Variants in EIF2AK4 observed in about 807,000 individuals in gnomAD.
EIF2AK4 encodes the protein eukaryotic translation initiation factor 2 alpha kinase 4.
EIF2AK4 carries 139 observed loss-of-function variants against 211.1 expected under a neutral mutation model. That is an observed-to-expected ratio of 0.66 (90% confidence interval 0.57 to 0.76). The LOEUF is 0.76. Among genes scored for constraint, EIF2AK4 ranks in the 30% least tolerant of loss-of-function variants. EIF2AK4 has a pLI of 0.00. For missense variants in EIF2AK4, 1,664 were observed against 2,043.8 expected (o/e 0.81, Z 3.58); for synonymous variants, 710 against 751.3 (o/e 0.94, Z 0.90).
chr15:39,945,303 T>C (rs1237679055), intron 3 of EIF2AK4, among the ~76,000 whole-genome samples: 1 of 152,066 alleles, frequency 6.6e-6, no homozygotes, highest in Admixed American at 6.5e-5. Context: ...TATTTTGAGA[T>C]AATTATATAT....
intron 23 of EIF2AK4, among the ~76,000 whole-genome samples, chr15:40,005,657 C>T (rs1238365785): frequency 5.3e-5 from 8 of 151,458 alleles, no homozygotes; most frequent in Admixed American, 4.6e-4. Flanking sequence ...CTGCAAGCTC[C>T]GCCTCCCGGG....
chr15:39,982,011 G>A (rs895641950), intron 13 of EIF2AK4, among the ~76,000 whole-genome samples: 7 of 145,194 alleles, frequency 4.8e-5, no homozygotes, highest in African/African-American at 1.5e-4. Flanking sequence ...TGCAAGCTCC[G>A]CCTCCTGGGT....
At chr15:39,955,144 CCTT>C (rs1421344075) in intron 5 of EIF2AK4, among the ~76,000 whole-genome samples, 1 of 152,172 alleles carries the variant, frequency 6.6e-6, no homozygotes, top group Non-Finnish European at 1.5e-5. Flanking sequence ...TTTGATTCTC[CCTT>C]CTTCTGTTCA....
intron 4 of EIF2AK4, 27 bp downstream of exon 4, chr15:39,949,295 T>C (rs2034272189): frequency 6.2e-7 from 1 of 1,610,812 alleles, no homozygotes; most frequent in Non-Finnish European, 8.5e-7. Flanking sequence ...GATGTCTGTG[T>C]GCATGGCCAG....
At chr15:39,975,401 A>G (rs1200702140) in intron 11 of EIF2AK4, 2 of 152,244 alleles carry the variant, frequency 1.3e-5, no homozygotes, top group Admixed American at 1.3e-4. Flanking sequence ...TTATTAGTTT[A>G]ATTGAAACTT....
rs2034147954 is a variant in EIF2AK4, at chr15:39,941,768, T to C, written c.258-1615T>C. 2.0e-5 allele frequency among the ~76,000 whole-genome samples: 3 copies of C among 152,242 alleles called. No individual in the cohort carries two copies. In the South Asian group the frequency reaches 6.2e-4, roughly 32 times the overall value. On this transcript the variant is annotated intron_variant, in intron 2 of 38. Coordinates refer to ENST00000263791, the MANE Select transcript of EIF2AK4 (RefSeq NM_001013703.4). ...AGTAGCATCCCTGACCTCTGTCTGC[T>C]AGATGTCGGGAGTACATTTCTCCCC...
intron 32 of EIF2AK4, among the ~76,000 whole-genome samples, chr15:40,025,088 G>A (rs2035448771): frequency 6.6e-6 from 1 of 152,162 alleles, no homozygotes; most frequent in Admixed American, 6.5e-5. Flanking sequence ...GGTCCTGGAA[G>A]GGCCTTTTAG....
intron 13 of EIF2AK4, among the ~76,000 whole-genome samples, chr15:39,985,241 G>A (rs1170991626): frequency 6.6e-6 from 1 of 152,122 alleles, no homozygotes; most frequent in Non-Finnish European, 1.5e-5. Context: ...ATGTGCTGCT[G>A]GATTCAGTTT....
chr15:39,998,257 G>GTTTTT (rs752625722), intron 19 of EIF2AK4, among the ~76,000 whole-genome samples: 1 of 109,752 alleles, frequency 9.1e-6, no homozygotes, highest in Non-Finnish European at 2.0e-5. Context: ...TATGGGTGTG[G>GTTTTT]TTTTTTTTTT....
At chr15:39,992,923 A>T in intron 18 of EIF2AK4, 75 bp downstream of exon 18, 1 of 1,393,736 alleles carries the variant, frequency 7.2e-7, no homozygotes, top group Non-Finnish European at 1.0e-6. Flanking sequence ...TTTGGGATTT[A>T]GTCCCGGCTA....
intron 27 of EIF2AK4, among the ~76,000 whole-genome samples, chr15:40,012,181 A>G (rs1384478525): frequency 1.3e-5 from 2 of 152,166 alleles, no homozygotes; most frequent in Non-Finnish European, 2.9e-5. Flanking sequence ...GGCAGGCACA[A>G]TGGCAGGGAT....
intron 2 of EIF2AK4, among the ~76,000 whole-genome samples, chr15:39,940,597 TATTA>T (rs1192227013): frequency 2.0e-5 from 3 of 152,224 alleles, no homozygotes; most frequent in Non-Finnish European, 4.4e-5. Context: ...ACTATAAAAA[TATTA>T]ATTAACGAAA....
intron 32 of EIF2AK4, among the ~76,000 whole-genome samples, chr15:40,024,790 G>A (rs929896295): frequency 1.8e-4 from 26 of 147,704 alleles, no homozygotes; most frequent in Non-Finnish European, 2.4e-4. Flanking sequence ...GTGCAGTGGC[G>A]CGATCTCAGC....
chr15:40,009,952 A>G (rs2035213818), intron 26 of EIF2AK4, among the ~76,000 whole-genome samples: 1 of 152,240 alleles, frequency 6.6e-6, no homozygotes, highest in African/African-American at 2.4e-5. Context: ...GCCCTGTACT[A>G]CTAATAACCT....
At chr15:39,978,181 T>C in intron 13 of EIF2AK4, 34 bp downstream of exon 13, 1 of 1,277,420 alleles carries the variant, frequency 7.8e-7, no homozygotes, top group South Asian at 1.5e-5. Flanking sequence ...ATCATTTTAT[T>C]CGTGATATAA....
chr15:39,992,952 C>A, intron 18 of EIF2AK4, 104 bp downstream of exon 18: 1 of 1,050,308 alleles, frequency 9.5e-7, no homozygotes, highest in Non-Finnish European at 1.5e-6. Flanking sequence ...AAGACATCCA[C>A]TCATTCACAC....
Position 39,965,807 on chromosome 15 carries a change from T to C in EIF2AK4, c.981T>C (p.Ser327=). The change falls in exon 8 of 39, where the codon AGT becomes AGC. Residue 327 remains serine, a synonymous_variant. Coordinates refer to ENST00000263791, the MANE Select transcript of EIF2AK4 (RefSeq NM_001013703.4). ...AAAAAATGGGTCCATTCCTTACCAG[T>C]CAAGAAAAAGAGAAGATTGATAAGT... ...WQKKMGPFLT[S]QEKEKIDKCK... is the part of the protein sequence containing the mutation. 6.2e-7 allele frequency: 1 copy of C among 1,613,974 alleles called. No homozygotes were observed. The highest frequency in any genetic ancestry group is 1.7e-4 in the Middle Eastern group (1 of 6,060).
At position 39,988,296 on chromosome 15, in the gene EIF2AK4, T is replaced by G. The variant is rs76856726; in HGVS notation, c.2526+191T>G. Among the ~76,000 whole-genome samples the G allele has an allele frequency of 6.6e-5, 10 of 152,330 alleles. No individual in the cohort carries two copies. In the East Asian group the frequency reaches 1.9e-3, roughly 29 times the overall value. On this transcript the variant is annotated intron_variant, in intron 15 of 38. Coordinates refer to ENST00000263791, the MANE Select transcript of EIF2AK4 (RefSeq NM_001013703.4). ...TAAAGTATTACAAAGTATCAGAGTA[T>G]AACATTAAAAAATGTTAAGAAAACT...
chr15:39,981,121 C>T, intron 13 of EIF2AK4, among the ~76,000 whole-genome samples: 1 of 152,118 alleles, frequency 6.6e-6, no homozygotes, highest in Non-Finnish European at 1.5e-5. Flanking sequence ...CCTGTAATCC[C>T]AGCACTTTGG....
Sources: gnomAD v4.1 joint callset for allele counts (sites outside exome capture counted in the v4.1 genomes callset) on GRCh38, gnomAD v4.1.1 for gene constraint, MANE v1.5 for transcripts, NCBI Gene and HGNC (gene_info 2026-07-23, HGNC 2026-07-21) for gene names.